Variants in OR1L8 observed in about 807,000 individuals in gnomAD.
OR1L8 encodes olfactory receptor family 1 subfamily L member 8.
For synonymous variants in OR1L8, 148 were observed against 147.0 expected (o/e 1.01, Z -0.05); for missense variants, 330 against 377.4 (o/e 0.87, Z 1.04).
chr9:122,555,717 T>A, the OR1L8 span, among the ~76,000 whole-genome samples: 2 of 152,214 alleles, frequency 1.3e-5, no homozygotes, highest in South Asian at 4.1e-4. Flanking sequence ...CAATCTTTTT[T>A]AAATATATAG....
At chr9:122,548,331 C>T in the OR1L8 span, among the ~76,000 whole-genome samples, 1 of 152,120 alleles carries the variant, frequency 6.6e-6, no homozygotes, top group African/African-American at 2.4e-5. Context: ...ATATACATTT[C>T]CCTTAATCTC....
the OR1L8 span, among the ~76,000 whole-genome samples, chr9:122,556,202 T>C: frequency 1.3e-5 from 2 of 152,220 alleles, no homozygotes; most frequent in Non-Finnish European, 2.9e-5. Context: ...CATAGCTTGA[T>C]AGTTCATTTC....
chr9:122,551,830 G>A, the OR1L8 span, among the ~76,000 whole-genome samples: 2 of 152,046 alleles, frequency 1.3e-5, no homozygotes, highest in Admixed American at 6.6e-5. Context: ...TCTTATGCCC[G>A]GGGAAGCTGA....
In OR1L8 at chr9:122,581,069, T is replaced by C. The variant is rs541518522; in HGVS notation, c.-600+2252A>G. 1.8e-4 allele frequency among the ~76,000 whole-genome samples: 28 copies of C among 152,246 alleles called. No homozygotes were observed. The South Asian group carries it at 5.4e-3, about 29-fold the overall frequency. On this transcript the variant is annotated intron_variant, in intron 1 of 4. Coordinates refer to ENST00000641027, the MANE Select transcript of OR1L8 (RefSeq NM_001004454.2). ...ATTATAATGGTTTATATTTATTTCA[T>C]AATAGTGACAAATATGGGCTGGGCA...
chr9:122,547,224 A>G, the OR1L8 span, among the ~76,000 whole-genome samples: 2 of 152,136 alleles, frequency 1.3e-5, no homozygotes, highest in Non-Finnish European at 2.9e-5. Context: ...ATAACCATTT[A>G]AAAAGGCATG....
At position 122,567,358 on chromosome 9, in the gene OR1L8, C is replaced by T. The variant is rs1588213654; in HGVS notation, c.*190G>A. On this transcript the variant is annotated 3_prime_UTR_variant, in exon 5 of 5. Transcript: ENST00000641027. ...AGAAAGAGGAGACACAGACAGGAAA[C>T]GATTGTGATTTAAGAGATACAGGCC... is the stretch of plus-strand genomic sequence containing the variant. 4 of 450,340 alleles carry T rather than the reference C, an allele frequency of 8.9e-6. No individual in the cohort carries two copies. Among genetic ancestry groups the T allele is most frequent in the East Asian group, 3.3e-5 (1 of 30,254 alleles). The allele number at this position is 450,340 out of a possible 1,614,324, so 27.9% of individuals were successfully genotyped here.
the OR1L8 span, among the ~76,000 whole-genome samples, chr9:122,561,051 G>T: frequency 4.0e-5 from 6 of 151,816 alleles, no homozygotes; most frequent in South Asian, 4.2e-4. Flanking sequence ...CTTTAATCTT[G>T]TCTGCCTGCC....
Position 122,568,268 on chromosome 9 carries a change from A to G in OR1L8, c.210T>C (p.Thr70=), listed in dbSNP as rs546738658. The change falls in exon 5 of 5, where the codon ACT becomes ACC. Residue 70 remains threonine (T), a synonymous_variant. Coordinates refer to ENST00000641027, the MANE Select transcript of OR1L8 (RefSeq NM_001004454.2). ...MYFFLSFLSL[T]DICFTTSVVP... is the part of the protein sequence containing the mutation. ...CAACGCTTGTTGTAAAGCAAATATC[A>G]GTGAGAGACAGAAAACTCAAGAAGA... The G allele has an allele frequency of 9.3e-6, 15 of 1,614,030 alleles. No homozygotes were observed. In the South Asian group the frequency reaches 1.3e-4, roughly 14 times the overall value.
At chr9:122,571,266 T>C (rs1023883178) in intron 4 of OR1L8, among the ~76,000 whole-genome samples, 6 of 152,106 alleles carry the variant, frequency 3.9e-5, no homozygotes, top group Non-Finnish European at 7.4e-5. Context: ...AAACTGGCCA[T>C]GCATGCCGGG....
chr9:122,562,325 G>A (rs1445521540), downstream of OR1L8, among the ~76,000 whole-genome samples: 1 of 152,246 alleles, frequency 6.6e-6, no homozygotes, highest in African/African-American at 2.4e-5. Flanking sequence ...TAGGCAGCAG[G>A]CAGTTGCAGC....
chr9:122,561,935 T>G, the OR1L8 span, among the ~76,000 whole-genome samples: 142,128 of 152,256 alleles, frequency 0.93, 66,417 homozygotes, highest in East Asian at 0.98. Context: ...GAACTAGCAG[T>G]AGGAAAAACT....
the OR1L8 span, among the ~76,000 whole-genome samples, chr9:122,550,598 T>C: frequency 6.6e-6 from 1 of 151,392 alleles, no homozygotes; most frequent in Non-Finnish European, 1.5e-5. Flanking sequence ...GTGAAATATA[T>C]ACAAATCAAT....
At position 122,568,312 on chromosome 9, in the gene OR1L8, G is replaced by T. The variant is rs1829475488; in HGVS notation, c.166C>A (p.Leu56Ile). The T allele has an allele frequency of 1.2e-6, 2 of 1,614,054 alleles. No homozygotes were observed. The highest frequency in any genetic ancestry group is 2.7e-5 in the African/African-American group (2 of 74,912). ...AAGAAGAAATACATAGGGGTCTGAA[G>T]ATGGGGGTTGAAGCGAATGGCCAGG... ...IILAIRFNPHLQTPMYFFLSF... is the reference protein window; with the variant it reads ...IILAIRFNPHIQTPMYFFLSF... Residue 56 changes from leucine to isoleucine, a missense_variant, in exon 5 of 5, where the codon CTT becomes ATT. Coordinates refer to ENST00000641027, the MANE Select transcript of OR1L8 (RefSeq NM_001004454.2).
At chr9:122,553,896 T>A in the OR1L8 span, 2 of 1,614,026 alleles carry the variant, frequency 1.2e-6, no homozygotes, top group East Asian at 2.2e-5. Context: ...CTGGGCTGTG[T>A]TTGTCATCTC....
chr9:122,567,819 A>G lies in OR1L8; in HGVS notation c.659T>C (p.Ile220Thr). 10 of 1,614,102 alleles carry G rather than the reference A, an allele frequency of 6.2e-6. No homozygotes were observed. The highest frequency in any genetic ancestry group is 8.5e-6 in the Non-Finnish European group (10 of 1,179,956). The change falls in exon 5 of 5, where the codon ATA becomes ACA. Residue 220 changes from isoleucine to threonine, a missense_variant. Physicochemically the swap from Ile to Thr is moderately conservative, Grantham distance 89. Transcript: ENST00000641027. Reference sequence around the variant, plus strand: ...CTTGAGAACTGTAGTGAGGATTCGTATATAAGAGAAAGCAATGCAGAGAAA... The same window carrying G: ...CTTGAGAACTGTAGTGAGGATTCGTGTATAAGAGAAAGCAATGCAGAGAAA... ...TRFLCIAFSY[I>T]RILTTVLKIP...
At chr9:122,578,672 G>A (rs2007229) in intron 1 of OR1L8, among the ~76,000 whole-genome samples, 38,791 of 150,288 alleles carry the variant, frequency 0.26, 5,405 homozygotes, top group African/African-American at 0.32. Context: ...TGGAACTGGA[G>A]ACAATTTTCC....
intron 2 of OR1L8, among the ~76,000 whole-genome samples, chr9:122,577,912 GTTAA>G (rs771968706): frequency 6.6e-6 from 1 of 152,084 alleles, no homozygotes; most frequent in East Asian, 1.9e-4. Flanking sequence ...TCAATATGTG[GTTAA>G]TTAATTATTT....
chr9:122,554,315 C>G, the OR1L8 span: 4 of 623,534 alleles, frequency 6.4e-6, no homozygotes, highest in Non-Finnish European at 1.1e-5. Context: ...GTGTTTCATT[C>G]TTTTATTAGG....
the OR1L8 span, among the ~76,000 whole-genome samples, chr9:122,561,304 G>A: frequency 1.3e-5 from 2 of 152,114 alleles, no homozygotes; most frequent in East Asian, 3.9e-4. Flanking sequence ...GCTCAGCAGA[G>A]TTTGTTATTA....
Sources: allele counts gnomAD v4.1 joint callset (sites outside exome capture counted in the v4.1 genomes callset), GRCh38; gene constraint gnomAD v4.1.1; transcripts MANE v1.5; gene names NCBI Gene and HGNC (gene_info 2026-07-23, HGNC 2026-07-21).